Variants in PTPRD observed in about 807,000 individuals in gnomAD.
The protein encoded by PTPRD is receptor-type tyrosine-protein phosphatase delta.
In PTPRD, 34 loss-of-function variants were observed where a neutral mutation model predicts 214.5. The observed-to-expected ratio is 0.16, with a 90% CI of 0.12 to 0.21. The LOEUF (loss-of-function observed/expected upper bound fraction) is 0.21, where lower values mean the gene tolerates loss of function less well. Ranked by LOEUF, PTPRD falls within the 10% of genes least tolerant of loss-of-function variation. The pLI is 1.00. For synonymous variants in PTPRD, 1,128 were observed against 845.7 expected (o/e 1.33, Z -5.79); for missense variants, 2,545 against 2,398.7 (o/e 1.06, Z -1.27).
At chr9:9,171,483 C>T (rs764584472) in intron 10 of PTPRD, among the ~76,000 whole-genome samples, 30 of 151,438 alleles carry the variant, frequency 2.0e-4, no homozygotes, top group Middle Eastern at 3.5e-3. Context: ...TGAAAAAATG[C>T]GGGAAGTGAT....
chr9:9,000,484 C>G (rs1316081705), intron 11 of PTPRD, among the ~76,000 whole-genome samples: 1 of 151,938 alleles, frequency 6.6e-6, no homozygotes, highest in Non-Finnish European at 1.5e-5. Flanking sequence ...TATAACTTCA[C>G]TTTAAGAAAC....
intron 11 of PTPRD, among the ~76,000 whole-genome samples, chr9:8,835,363 C>G (rs1448485219): frequency 6.6e-6 from 1 of 152,144 alleles, no homozygotes; most frequent in African/African-American, 2.4e-5. Flanking sequence ...AATAACGCAC[C>G]CAAGCACCAA....
chr9:9,195,394 T>C (rs985245773), intron 9 of PTPRD, among the ~76,000 whole-genome samples: 1 of 152,044 alleles, frequency 6.6e-6, no homozygotes, highest in South Asian at 2.1e-4. Context: ...AGAAACTGTG[T>C]TCACTATCAA....
chr9:9,491,733 A>C, intron 8 of PTPRD, among the ~76,000 whole-genome samples: 1 of 152,072 alleles, frequency 6.6e-6, no homozygotes, highest in East Asian at 1.9e-4. Flanking sequence ...TTAGAGATGA[A>C]TAAAATAAAA....
chr9:10,065,141 T>TAGAAAGAAAAAGAA (rs1555537826), intron 3 of PTPRD, among the ~76,000 whole-genome samples: 1 of 106,732 alleles, frequency 9.4e-6, no homozygotes, highest in Admixed American at 1.0e-4. Context: ...TGACTTGGAT[T>TAGAAAGAAAAAGAA]AGAAAGAAAG....
chr9:8,818,679 C>G (rs992852642), intron 11 of PTPRD, among the ~76,000 whole-genome samples: 4 of 152,140 alleles, frequency 2.6e-5, no homozygotes, highest in African/African-American at 9.7e-5. Context: ...AAGAACAGAC[C>G]AAATACTTAG....
intron 9 of PTPRD, among the ~76,000 whole-genome samples, chr9:9,306,997 C>T (rs1957350051): frequency 1.3e-5 from 2 of 152,112 alleles, no homozygotes; most frequent in South Asian, 4.1e-4. Flanking sequence ...ACAAAAAGTG[C>T]TGGTGAAGTA....
At chr9:10,352,275 C>T (rs187815981) in intron 2 of PTPRD, among the ~76,000 whole-genome samples, 2 of 151,986 alleles carry the variant, frequency 1.3e-5, no homozygotes, top group African/African-American at 4.8e-5. Context: ...TTTAATTATA[C>T]AAACACTCCT....
In PTPRD at chr9:10,149,239, T is replaced by G. The variant is rs139257984; in HGVS notation, c.-544-115449A>C. Reference sequence around the variant, plus strand: ...ATGTTGCAACACAAGTTTTGTCACTTTTTCATCCAATATTTTTACTAAAAC... The same window carrying G: ...ATGTTGCAACACAAGTTTTGTCACTGTTTCATCCAATATTTTTACTAAAAC... On this transcript the variant is annotated intron_variant, in intron 3 of 45. Transcript: ENST00000381196. 4.3e-3 allele frequency among the ~76,000 whole-genome samples: 648 copies of G among 152,272 alleles called. 1 individual carries two copies. The highest frequency in any genetic ancestry group is 7.0e-3 in the Non-Finnish European group (473 of 68,026).
At chr9:9,198,261 C>A (rs1471783035) in intron 9 of PTPRD, among the ~76,000 whole-genome samples, 2 of 152,036 alleles carry the variant, frequency 1.3e-5, no homozygotes, top group South Asian at 2.1e-4. Context: ...CACACACGTG[C>A]AATTAACTGG....
At chr9:10,362,497 T>C (rs1049869194) in intron 2 of PTPRD, among the ~76,000 whole-genome samples, 4 of 152,138 alleles carry the variant, frequency 2.6e-5, no homozygotes, top group Non-Finnish European at 5.9e-5. Flanking sequence ...ATTCAATGTC[T>C]AGAGAAGTCT....
chr9:9,889,037 G>T (rs2153767460), intron 5 of PTPRD, among the ~76,000 whole-genome samples: 1 of 152,220 alleles, frequency 6.6e-6, no homozygotes, highest in East Asian at 1.9e-4. Flanking sequence ...AACACTGCAT[G>T]ATCTCACTCA....
chr9:8,848,497 G>C (rs961386849), intron 11 of PTPRD, among the ~76,000 whole-genome samples: 12 of 115,342 alleles, frequency 1.0e-4, no homozygotes, highest in African/African-American at 4.4e-4. Flanking sequence ...CACCGTATCT[G>C]GCAAATATTT....
chr9:9,891,136 A>G (rs1008958665), intron 5 of PTPRD, among the ~76,000 whole-genome samples: 1 of 152,120 alleles, frequency 6.6e-6, no homozygotes, highest in African/African-American at 2.4e-5. Context: ...GGAAATGTAG[A>G]CGGGATTGTA....
intron 12 of PTPRD, among the ~76,000 whole-genome samples, chr9:8,726,282 A>C (rs1362677653): frequency 2.0e-5 from 3 of 151,854 alleles, no homozygotes; most frequent in Non-Finnish European, 2.9e-5. Context: ...AACCAAGTCA[A>C]GGTTACTTGA....
intron 3 of PTPRD, among the ~76,000 whole-genome samples, chr9:10,227,095 G>A (rs16925550): frequency 0.038 from 5,718 of 151,958 alleles, 378 homozygotes; most frequent in East Asian, 0.33. Flanking sequence ...ACTATCACAC[G>A]AAAAATTAAT....
intron 8 of PTPRD, among the ~76,000 whole-genome samples, chr9:9,509,117 C>G (rs767298842): frequency 2.0e-5 from 3 of 151,464 alleles, no homozygotes; most frequent in Non-Finnish European, 4.4e-5. Flanking sequence ...TAAACATTAG[C>G]AAGCTCAGAA....
chr9:10,200,406 G>A (rs1281984453), intron 3 of PTPRD, among the ~76,000 whole-genome samples: 3 of 152,078 alleles, frequency 2.0e-5, no homozygotes. Flanking sequence ...GCTATTGACA[G>A]TTAATAGAGG....
intron 3 of PTPRD, among the ~76,000 whole-genome samples, chr9:10,100,964 C>A (rs1336112308): frequency 2.0e-5 from 3 of 151,716 alleles, no homozygotes; most frequent in African/African-American, 4.8e-5. Flanking sequence ...TTCATTGTTG[C>A]TTCCTCATTT....
Sources: gnomAD v4.1 joint callset for allele counts (sites outside exome capture counted in the v4.1 genomes callset) on GRCh38, gnomAD v4.1.1 for gene constraint, MANE v1.5 for transcripts, NCBI Gene and HGNC (gene_info 2026-07-23, HGNC 2026-07-21) for gene names.